The following ALKBH3 variants were observed in gnomAD, a reference collection of about 807,000 sequenced individuals.
ALKBH3 encodes the protein alpha-ketoglutarate-dependent dioxygenase alkB homolog 3.
In ALKBH3, 51 loss-of-function variants were observed where a neutral mutation model predicts 43.9. The ratio of observed to expected loss-of-function variants is 1.16; its 90% confidence interval spans 0.93 to 1.47. The LOEUF (loss-of-function observed/expected upper bound fraction) is 1.47. Among genes scored for constraint, ALKBH3 ranks in the 40% most tolerant of loss-of-function variants. The probability of loss-of-function intolerance (pLI) is 0.00; values close to 1 mark genes in which losing one functional copy is unlikely to be tolerated. For missense variants in ALKBH3, 361 were observed against 351.9 expected, an observed-to-expected ratio of 1.03 and a Z score of -0.21; for synonymous variants, 102 against 115.2, an observed-to-expected ratio of 0.89 and a Z score of 0.73.
intron 8 of ALKBH3, among the ~76,000 whole-genome samples, chr11:43,911,454 G>A (rs1441807002): frequency 6.6e-6 from 1 of 152,158 alleles, no homozygotes; most frequent in East Asian, 1.9e-4. Context: ...AATCTGAGGT[G>A]CCTGAGGCTT....
intron 7 of ALKBH3, chr11:43,898,955 G>T: frequency 1.3e-6 from 1 of 749,740 alleles, no homozygotes; most frequent in Middle Eastern, 2.4e-4. Flanking sequence ...GGACCATGGA[G>T]GAGCTGGAGA....
intron 8 of ALKBH3, among the ~76,000 whole-genome samples, chr11:43,903,166 G>A (rs1420599091): frequency 6.6e-6 from 1 of 152,214 alleles, no homozygotes; most frequent in Non-Finnish European, 1.5e-5. Flanking sequence ...GGGATTGGTA[G>A]TTGCCGGTGT....
intron 8 of ALKBH3, among the ~76,000 whole-genome samples, chr11:43,913,424 G>A (rs1178553255): frequency 6.6e-6 from 1 of 151,962 alleles, no homozygotes; most frequent in East Asian, 1.9e-4. Context: ...AAGTGATAAT[G>A]GCCTCTAAGA....
intron 8 of ALKBH3, chr11:43,910,283 C>T (rs1403972142): frequency 6.7e-6 from 1 of 148,972 alleles, no homozygotes; most frequent in Non-Finnish European, 1.5e-5. Flanking sequence ...GGCAAGGTCC[C>T]TTTCTGTCTT....
intron 8 of ALKBH3, among the ~76,000 whole-genome samples, chr11:43,918,214 C>G (rs10838202): frequency 0.41 from 62,942 of 152,062 alleles, 13,359 homozygotes; most frequent in East Asian, 0.61. Context: ...TTGTTTAATG[C>G]TCCTGGTTTT....
At chr11:43,886,286 C>G (rs1201826844) in intron 4 of ALKBH3, among the ~76,000 whole-genome samples, 1 of 152,162 alleles carries the variant, frequency 6.6e-6, no homozygotes, top group East Asian at 1.9e-4. Flanking sequence ...GAGGAGTGCT[C>G]TATTTGAAAC....
intron 8 of ALKBH3, among the ~76,000 whole-genome samples, chr11:43,914,528 T>C (rs1951967011): frequency 6.6e-6 from 1 of 151,448 alleles, no homozygotes; most frequent in African/African-American, 2.4e-5. Context: ...ACAAACTCCA[T>C]GTAGATTAAA....
chr11:43,898,484 A>T, intron 7 of ALKBH3: 1 of 952,806 alleles, frequency 1.0e-6, no homozygotes, highest in South Asian at 1.3e-5. Flanking sequence ...ATGGACACCA[A>T]CGGCTTGGTG....
rs934325847 is a variant in ALKBH3, at chr11:43,883,849, G to T, written c.184-134G>T. 1.7e-5 allele frequency: 17 copies of T among 980,822 alleles called. No individual in the cohort carries two copies. In the South Asian group the frequency reaches 2.7e-4, roughly 16 times the overall value. 60.8% of individuals were successfully genotyped at this position (980,822 alleles called of 1,614,324 possible). On this transcript the variant is annotated intron_variant, in intron 3 of 9. Transcript: ENST00000302708. ...AAGAGTGGAGACAAGGGTCTCTAGT[G>T]GGTTAGTGAGAAGTTGGAATAGAAA...
chr11:43,886,406 C>A lies in ALKBH3; in HGVS notation c.219-200C>A, dbSNP rs35831072. On this transcript the variant is annotated intron_variant, in intron 4 of 9. Transcript: ENST00000302708. ...CAGTTTTTGTCTCCATGGCCTGATA[C>A]TGTCACAGTTCCATTCCAGTGCCAT... 4.7e-3 allele frequency among the ~76,000 whole-genome samples: 711 copies of A among 152,280 alleles called. 9 individuals carry two copies. Among genetic ancestry groups the A allele is most frequent in the African/African-American group, 0.016 (675 of 41,550 alleles).
At chr11:43,885,273 G>A (rs944098372) in intron 4 of ALKBH3, among the ~76,000 whole-genome samples, 16 of 152,080 alleles carry the variant, frequency 1.1e-4, no homozygotes, top group African/African-American at 2.2e-4. Context: ...AAAAATAGCC[G>A]GAAATGTCTT....
chr11:43,914,840 A>G (rs903627991), intron 8 of ALKBH3, among the ~76,000 whole-genome samples: 3 of 152,152 alleles, frequency 2.0e-5, no homozygotes, highest in Non-Finnish European at 4.4e-5. Context: ...CCATAGAACA[A>G]TGGACAAAGG....
Position 43,896,774 on chromosome 11 carries a change from TTTG to T in ALKBH3, c.459+4648_459+4650del, listed in dbSNP as rs576992424. On this transcript the variant is annotated intron_variant, in intron 7 of 9. Coordinates refer to ENST00000302708, the MANE Select transcript of ALKBH3 (RefSeq NM_139178.4). The stretch of plus-strand genomic sequence containing the variant: ...GTAATATTGTTGGATGAGAATTTTT[TTTG>T]TTATTTTATAATGAAATGTGTCAGC... Among the ~76,000 whole-genome samples the T allele has an allele frequency of 2.0e-3, 305 of 152,300 alleles. 1 individual carries two copies. The highest frequency in any genetic ancestry group is 3.3e-3 in the Non-Finnish European group (226 of 68,022).
intron 7 of ALKBH3, chr11:43,898,192 C>A: frequency 8.3e-7 from 1 of 1,210,162 alleles, no homozygotes; most frequent in Non-Finnish European, 1.2e-6. Flanking sequence ...GACTCCGCTG[C>A]AGGAGAGCTG....
rs188201319 is a variant in ALKBH3, at chr11:43,908,461, A to G, written c.669+6736A>G. On this transcript the variant is annotated intron_variant, in intron 8 of 9. Transcript: ENST00000302708. The stretch of plus-strand genomic sequence containing the variant: ...TCAGCTGGAGGTGAGGTATGGCGGA[A>G]TGTGTTCTCATATGCTTTCAGAGGA... 1.4e-4 allele frequency among the ~76,000 whole-genome samples: 22 copies of G among 152,234 alleles called. No individual in the cohort carries two copies. In the East Asian group the frequency reaches 2.5e-3, roughly 17 times the overall value.
At chr11:43,918,841 T>TTACAAATGAGTAAGTCAGGG (rs1952003744) in intron 8 of ALKBH3, 197 bp from the exon 9 acceptor site, 1 of 535,152 alleles carries the variant, frequency 1.9e-6, no homozygotes, top group East Asian at 3.1e-5. Context: ...CCTCCCCATT[T>TTACAAATGAGTAAGTCAGGG]TACAAATGAG....
chr11:43,900,195 AT>A (rs1237725065), intron 7 of ALKBH3, among the ~76,000 whole-genome samples: 54 of 108,414 alleles, frequency 5.0e-4, no homozygotes, highest in African/African-American at 1.5e-3. Flanking sequence ...TTGTGATTGC[AT>A]TTTTTTTATT....
At chr11:43,902,395 G>A (rs1221760939) in intron 8 of ALKBH3, among the ~76,000 whole-genome samples, 1 of 152,190 alleles carries the variant, frequency 6.6e-6, no homozygotes, top group African/African-American at 2.4e-5. Context: ...TGTGACATTT[G>A]AGGAATACTA....
intron 8 of ALKBH3, among the ~76,000 whole-genome samples, chr11:43,904,381 A>G (rs1951882538): frequency 6.6e-6 from 1 of 152,246 alleles, no homozygotes; most frequent in Admixed American, 6.5e-5. Context: ...AGTCTTAACT[A>G]TGATTGAATT....
Sources: gnomAD v4.1 joint callset for allele counts (sites outside exome capture counted in the v4.1 genomes callset) on GRCh38, gnomAD v4.1.1 for gene constraint, MANE v1.5 for transcripts, NCBI Gene and HGNC (gene_info 2026-07-23, HGNC 2026-07-21) for gene names.